Variants in STEAP1B observed in about 807,000 individuals in gnomAD.
STEAP1B encodes STEAP family member 1B.
A neutral mutation model predicts 27.9 loss-of-function variants in STEAP1B; 13 were observed. The ratio of observed to expected loss-of-function variants is 0.47; its 90% CI spans 0.30 to 0.74. STEAP1B has a LOEUF of 0.74. Ranked by LOEUF, STEAP1B falls within the 30% of genes least tolerant of loss-of-function variation. The pLI is 0.06. For missense variants in STEAP1B, 250 were observed against 298.7 expected, an observed-to-expected ratio of 0.84 and a Z score of 1.20; for synonymous variants, 86 against 107.1, an observed-to-expected ratio of 0.80 and a Z score of 1.22.
rs1051273914 is a variant in STEAP1B, at chr7:22,462,275, C to A, written c.762+30290G>T. On this transcript the variant is annotated intron_variant, in intron 4 of 4. Coordinates refer to ENST00000678116, the MANE Select transcript of STEAP1B (RefSeq NM_001382447.1). ...CTTTAAGTTTTAGGGTACATGTGCACAATGTGCAGGTTAGTTACATATGTA... is the reference window on the plus strand; with the variant it reads ...CTTTAAGTTTTAGGGTACATGTGCAAAATGTGCAGGTTAGTTACATATGTA... 2.0e-5 allele frequency among the ~76,000 whole-genome samples: 3 copies of A among 150,814 alleles called. No individual in the cohort carries two copies. The East Asian group carries it at 5.8e-4, about 29-fold the overall frequency.
intron 4 of STEAP1B, among the ~76,000 whole-genome samples, chr7:22,472,771 C>T (rs1462386719): frequency 6.6e-6 from 1 of 152,184 alleles, no homozygotes; most frequent in Non-Finnish European, 1.5e-5. Flanking sequence ...ATGTACATCC[C>T]ATCCTCCCCC....
chr7:22,463,068 T>G (rs1218971753), intron 4 of STEAP1B, among the ~76,000 whole-genome samples: 2 of 152,226 alleles, frequency 1.3e-5, no homozygotes, highest in Non-Finnish European at 2.9e-5. Flanking sequence ...TGCCCACTTT[T>G]TGATGGGGTT....
chr7:22,467,658 T>A (rs1203291537), intron 4 of STEAP1B, among the ~76,000 whole-genome samples: 10 of 152,180 alleles, frequency 6.6e-5, no homozygotes, highest in African/African-American at 4.8e-5. Flanking sequence ...CCCCTTTTGC[T>A]TGGATCTCAC....
At chr7:22,473,126 AC>A (rs1785913189) in intron 4 of STEAP1B, among the ~76,000 whole-genome samples, 1 of 152,108 alleles carries the variant, frequency 6.6e-6, no homozygotes, top group South Asian at 2.1e-4. Context: ...GTGATGCATT[AC>A]CGCACTGACC....
chr7:22,457,789 A>G (rs1785611399), intron 4 of STEAP1B, among the ~76,000 whole-genome samples: 1 of 152,256 alleles, frequency 6.6e-6, no homozygotes. Flanking sequence ...GTTCAGATAG[A>G]AAGTGCAAAG....
At chr7:22,420,815 C>G (rs1179550577) in intron 4 of STEAP1B, among the ~76,000 whole-genome samples, 2 of 152,194 alleles carry the variant, frequency 1.3e-5, no homozygotes, top group Non-Finnish European at 2.9e-5. Context: ...TGTATAAACT[C>G]TCTAATCCTT....
intron 4 of STEAP1B, among the ~76,000 whole-genome samples, chr7:22,467,871 C>A (rs1785814245): frequency 6.6e-6 from 1 of 152,168 alleles, no homozygotes; most frequent in Non-Finnish European, 1.5e-5. Context: ...CACCCAAGAA[C>A]CTTTGAATTC....
At position 22,419,769 on chromosome 7, in the gene STEAP1B, G is replaced by T. The variant is rs114613312; in HGVS notation, c.*35C>A. On this transcript the variant is annotated 3_prime_UTR_variant, in exon 5 of 5. Coordinates refer to ENST00000678116, the MANE Select transcript of STEAP1B (RefSeq NM_001382447.1). Reference sequence around the variant, plus strand: ...ATCCAATGCTGTGCTCCAAAGCCTCGTTCTCATTTCCTCTCATGTTACTGG... The same window carrying T: ...ATCCAATGCTGTGCTCCAAAGCCTCTTTCTCATTTCCTCTCATGTTACTGG... 6.5e-7 allele frequency: 1 copy of T among 1,547,228 alleles called. No homozygotes were observed. The highest frequency in any genetic ancestry group is 8.7e-7 in the Non-Finnish European group (1 of 1,144,604).
intron 4 of STEAP1B, among the ~76,000 whole-genome samples, chr7:22,489,643 T>A (rs891640081): frequency 6.6e-6 from 1 of 152,180 alleles, no homozygotes; most frequent in African/African-American, 2.4e-5. Context: ...AGACTGGGGC[T>A]GCATTGCATC....
chr7:22,493,255 T>C, intron 3 of STEAP1B, 69 bp downstream of exon 3: 2 of 1,444,018 alleles, frequency 1.4e-6, no homozygotes, highest in Non-Finnish European at 1.9e-6. Context: ...GATATTACAA[T>C]GAGAAATGAT....
chr7:22,439,428 A>C lies in STEAP1B; in HGVS notation c.763-19592T>G, dbSNP rs143979711. 5.2e-3 allele frequency among the ~76,000 whole-genome samples: 790 copies of C among 152,210 alleles called. 5 individuals are homozygous for C. Among genetic ancestry groups the C allele is most frequent in the African/African-American group, 0.018 (756 of 41,508 alleles). ...TTCAGATTATCAGCTAGTTCCAATG[A>C]AGATTTTTTTTTTTTCATACAAGTC... is the stretch of plus-strand genomic sequence containing the variant. On this transcript the variant is annotated intron_variant, in intron 4 of 4. Transcript: ENST00000678116.
chr7:22,442,009 G>A (rs1343939488), intron 4 of STEAP1B, among the ~76,000 whole-genome samples: 6 of 152,186 alleles, frequency 3.9e-5, no homozygotes, highest in Admixed American at 2.6e-4. Flanking sequence ...GTGGGATTTG[G>A]CCACCCTGGG....
At chr7:22,422,144 T>A (rs1055020586) in intron 4 of STEAP1B, among the ~76,000 whole-genome samples, 1 of 152,230 alleles carries the variant, frequency 6.6e-6, no homozygotes, top group African/African-American at 2.4e-5. Context: ...TGTTTTCTGG[T>A]TTAATCTAGG....
chr7:22,432,232 T>C (rs910553063), intron 4 of STEAP1B, among the ~76,000 whole-genome samples: 4 of 152,024 alleles, frequency 2.6e-5, no homozygotes, highest in African/African-American at 9.7e-5. Flanking sequence ...TCCAAGCCTC[T>C]AGAACTGTGA....
intron 4 of STEAP1B, among the ~76,000 whole-genome samples, chr7:22,444,771 T>G (rs1187033516): frequency 6.6e-6 from 1 of 152,208 alleles, no homozygotes; most frequent in African/African-American, 2.4e-5. Flanking sequence ...CCCCTGGAGA[T>G]TTAATGATTT....
chr7:22,467,207 A>C (rs1446666374), intron 4 of STEAP1B, among the ~76,000 whole-genome samples: 1 of 152,200 alleles, frequency 6.6e-6, no homozygotes, highest in Non-Finnish European at 1.5e-5. Flanking sequence ...TTTTAGTAGA[A>C]AGCCCCAAGG....
intron 4 of STEAP1B, among the ~76,000 whole-genome samples, chr7:22,490,891 C>A (rs1413288214): frequency 6.6e-6 from 1 of 152,192 alleles, no homozygotes; most frequent in Non-Finnish European, 1.5e-5. Context: ...GCCAAATTCT[C>A]TCAGAAATGG....
intron 4 of STEAP1B, among the ~76,000 whole-genome samples, chr7:22,453,454 A>G (rs1397767806): frequency 6.6e-6 from 1 of 152,248 alleles, no homozygotes; most frequent in South Asian, 2.1e-4. Context: ...TACCATATTC[A>G]TGTCGTTGAG....
Position 22,499,016 on chromosome 7 carries a change from A to G in STEAP1B, c.-32+1098T>C, listed in dbSNP as rs1214939725. On this transcript the variant is annotated intron_variant, in intron 1 of 4. Transcript: ENST00000678116. Reference sequence around the variant, plus strand: ...TCAAATAAATTTGTTGGTTTTCATCAGACATTAACCAAAATGTAATTTAAG... The same window carrying G: ...TCAAATAAATTTGTTGGTTTTCATCGGACATTAACCAAAATGTAATTTAAG... 3.9e-5 allele frequency among the ~76,000 whole-genome samples: 6 copies of G among 152,382 alleles called. No homozygotes were observed. The East Asian group carries it at 1.2e-3, about 29-fold the overall frequency.
Sources: gnomAD v4.1 joint callset for allele counts (sites outside exome capture counted in the v4.1 genomes callset) on GRCh38, gnomAD v4.1.1 for gene constraint, MANE v1.5 for transcripts, NCBI Gene and HGNC (gene_info 2026-07-23, HGNC 2026-07-21) for gene names.